Variants in MYO3B observed in about 807,000 individuals in gnomAD.
The protein encoded by MYO3B is myosin IIIB, also known as myosin-IIIb.
In MYO3B, 156 loss-of-function variants were observed where a neutral mutation model predicts 174.6. That is an observed-to-expected ratio of 0.89 (90% CI 0.78 to 1.02). The LOEUF is 1.02. Among genes scored for constraint, MYO3B ranks in the 50% least tolerant of loss-of-function variants. The probability of loss-of-function intolerance (pLI) is 0.00; values close to 1 mark genes in which losing one functional copy is unlikely to be tolerated. For missense variants in MYO3B, 1,632 were observed against 1,639.4 expected (o/e 1.00, Z 0.08); for synonymous variants, 563 against 569.1 (o/e 0.99, Z 0.15).
In MYO3B at chr2:170,345,089, A is replaced by G. The variant is rs1246274194; in HGVS notation, c.815+9639A>G. ...TGCTCTTCCAGTCTCTGCTGCTTCC[A>G]CTGTGGCGCTTCCACAGGCTCTGGT... On this transcript the variant is annotated intron_variant, in intron 8 of 34. Coordinates refer to ENST00000408978, the MANE Select transcript of MYO3B (RefSeq NM_138995.5). 2.0e-5 allele frequency: 3 copies of G among 152,248 alleles called. No individual in the cohort carries two copies. In the East Asian group the frequency reaches 5.8e-4, roughly 29 times the overall value. The allele number at this position is 152,248 out of a possible 1,614,324, so 9.4% of individuals were successfully genotyped here.
At chr2:170,418,095 C>G (rs1379737557) in intron 22 of MYO3B, among the ~76,000 whole-genome samples, 1 of 152,170 alleles carries the variant, frequency 6.6e-6, no homozygotes, top group Non-Finnish European at 1.5e-5. Flanking sequence ...GTGCAGGAGG[C>G]TTCAGTGAGG....
At chr2:170,499,603 TGAG>T in intron 26 of MYO3B, 40 bp from the exon 27 acceptor site, 1 of 1,584,230 alleles carries the variant, frequency 6.3e-7, no homozygotes, top group Non-Finnish European at 8.7e-7. Flanking sequence ...GAATTTCTGT[TGAG>T]GAACCCATAT....
At chr2:170,573,227 G>GTGTATATA (rs1446970724) in intron 32 of MYO3B, among the ~76,000 whole-genome samples, 161 of 46,464 alleles carry the variant, frequency 3.5e-3, no homozygotes, top group Non-Finnish European at 8.6e-3. Flanking sequence ...TATACTGTGT[G>GTGTATATA]TATATATATA....
intron 7 of MYO3B, among the ~76,000 whole-genome samples, chr2:170,241,695 G>GCT (rs10639395): frequency 1 from 152,150 of 152,320 alleles, 75,990 homozygotes; most frequent in Middle Eastern, 1. Flanking sequence ...GGGTAGTGGG[G>GCT]CAGATGGGCA....
At chr2:170,511,256 C>T (rs549983826) in intron 28 of MYO3B, among the ~76,000 whole-genome samples, 1 of 151,222 alleles carries the variant, frequency 6.6e-6, no homozygotes, top group Admixed American at 6.6e-5. Flanking sequence ...TTAGTAGAGA[C>T]GGGGTTTCAC....
At chr2:170,595,027 G>C (rs1209524949) in intron 32 of MYO3B, among the ~76,000 whole-genome samples, 2 of 152,178 alleles carry the variant, frequency 1.3e-5, no homozygotes, top group South Asian at 2.1e-4. Context: ...CTGTGCAGGA[G>C]AGGGACATAG....
intron 10 of MYO3B, 150 bp from the exon 11 acceptor site, chr2:170,382,923 G>C (rs1003629189): frequency 1.8e-6 from 1 of 563,756 alleles, no homozygotes; most frequent in South Asian, 2.6e-5. Context: ...TTAATGAATT[G>C]GGATCATTAG....
chr2:170,603,090 CAAA>C (rs143598500), intron 32 of MYO3B, among the ~76,000 whole-genome samples: 1 of 151,002 alleles, frequency 6.6e-6, no homozygotes, highest in Non-Finnish European at 1.5e-5. Context: ...AAACAAAAAA[CAAA>C]AAAAAACTTC....
intron 32 of MYO3B, among the ~76,000 whole-genome samples, chr2:170,563,031 T>TACACACACAC (rs56861648): frequency 0.051 from 7,078 of 138,526 alleles, 296 homozygotes; most frequent in Admixed American, 0.14. Context: ...AAAACATGCA[T>TACACACACAC]ACACACACAC....
chr2:170,254,654 A>G (rs1324671669), intron 7 of MYO3B, among the ~76,000 whole-genome samples: 2 of 152,168 alleles, frequency 1.3e-5, no homozygotes, highest in African/African-American at 4.8e-5. Context: ...CCAACTTCCC[A>G]GGGTGTGAGC....
intron 32 of MYO3B, among the ~76,000 whole-genome samples, chr2:170,626,740 C>A (rs560719891): frequency 2.6e-5 from 4 of 152,232 alleles, no homozygotes; most frequent in African/African-American, 9.6e-5. Context: ...TAGGGCAGGC[C>A]TGGTGGTGAC....
At chr2:170,529,910 A>T (rs1020770033) in intron 30 of MYO3B, among the ~76,000 whole-genome samples, 3 of 152,270 alleles carry the variant, frequency 2.0e-5, no homozygotes, top group Non-Finnish European at 4.4e-5. Flanking sequence ...TCACTGGGTT[A>T]TAAGGAAAAC....
At chr2:170,189,638 G>T (rs1417778511) in intron 1 of MYO3B, among the ~76,000 whole-genome samples, 6 of 151,920 alleles carry the variant, frequency 3.9e-5, no homozygotes, top group Non-Finnish European at 7.4e-5. Context: ...TCTTTAGCAT[G>T]TCAGTTGAAT....
intron 32 of MYO3B, among the ~76,000 whole-genome samples, chr2:170,636,957 C>CGTGCGTGT (rs1553546023): frequency 1.4e-5 from 2 of 146,578 alleles, no homozygotes; most frequent in African/African-American, 2.5e-5. Context: ...TGCTTTTGTG[C>CGTGCGTGT]GTGTGTGTGT....
intron 8 of MYO3B, 97 bp from the exon 9 acceptor site, chr2:170,369,125 A>G (rs1438957606): frequency 1.6e-5 from 18 of 1,120,008 alleles, no homozygotes; most frequent in Admixed American, 2.4e-5. Flanking sequence ...ATCAGGTTTT[A>G]TAAATGAGCT....
chr2:170,287,119 A>G (rs1186011042), intron 7 of MYO3B, among the ~76,000 whole-genome samples: 6 of 152,138 alleles, frequency 3.9e-5, no homozygotes, highest in Admixed American at 1.3e-4. Flanking sequence ...TTCTTTACCA[A>G]TTCATCCATT....
chr2:170,420,298 A>G (rs1232206424), intron 22 of MYO3B, among the ~76,000 whole-genome samples: 1 of 152,204 alleles, frequency 6.6e-6, no homozygotes, highest in African/African-American at 2.4e-5. Flanking sequence ...AAATGGGACT[A>G]TGCTACGGTT....
chr2:170,595,113 AC>A (rs138740018), intron 32 of MYO3B, among the ~76,000 whole-genome samples: 7 of 151,864 alleles, frequency 4.6e-5, no homozygotes, highest in African/African-American at 9.7e-5. Context: ...TAAGTTACTT[AC>A]CCCCCCACAA....
chr2:170,366,163 C>T (rs1445751451), intron 8 of MYO3B, among the ~76,000 whole-genome samples: 3 of 152,110 alleles, frequency 2.0e-5, no homozygotes, highest in Non-Finnish European at 4.4e-5. Context: ...CATTTGTTGG[C>T]TCTGGGTCTC....
Sources: gnomAD v4.1 joint callset for allele counts (sites outside exome capture counted in the v4.1 genomes callset) on GRCh38, gnomAD v4.1.1 for gene constraint, MANE v1.5 for transcripts, NCBI Gene and HGNC (gene_info 2026-07-23, HGNC 2026-07-21) for gene names.